PIK3R3: variants seen among roughly 807,000 people sequenced by gnomAD.
The protein encoded by PIK3R3 is phosphatidylinositol 3-kinase regulatory subunit gamma.
PIK3R3 carries 64 observed loss-of-function variants against 62.9 expected under a neutral mutation model. The ratio of observed to expected loss-of-function variants is 1.02; its 90% CI spans 0.83 to 1.25. The LOEUF (loss-of-function observed/expected upper bound fraction) is 1.25, where lower values mean the gene tolerates loss of function less well. Among genes scored for constraint, PIK3R3 ranks in the 50% most tolerant of loss-of-function variants. The pLI is 0.00. For missense variants in PIK3R3, 614 were observed against 561.6 expected (o/e 1.09, Z -0.94); for synonymous variants, 165 against 189.0 (o/e 0.87, Z 1.04).
At chr1:46,113,774 T>G (rs1345827411) in intron 1 of PIK3R3, among the ~76,000 whole-genome samples, 1 of 152,244 alleles carries the variant, frequency 6.6e-6, no homozygotes, top group Non-Finnish European at 1.5e-5. Flanking sequence ...ACTTTGTATG[T>G]GCCAGAGACA....
chr1:46,124,886 T>C (rs1204128062), intron 1 of PIK3R3, among the ~76,000 whole-genome samples: 1 of 149,456 alleles, frequency 6.7e-6, no homozygotes, highest in African/African-American at 2.5e-5. Context: ...TTGCCTGAGG[T>C]CAGGAGTTTG....
chr1:46,051,604 A>G lies in PIK3R3; in HGVS notation c.941+4191T>C, dbSNP rs568014194. On this transcript the variant is annotated intron_variant, in intron 7 of 9. Coordinates refer to ENST00000262741, the MANE Select transcript of PIK3R3 (RefSeq NM_003629.4). ...TATCTGCAAACTCCCCTATATATATATTACTCAAAACTCATCAATTCCCTA... is the reference window on the plus strand; with the variant it reads ...TATCTGCAAACTCCCCTATATATATGTTACTCAAAACTCATCAATTCCCTA... 3.9e-5 allele frequency among the ~76,000 whole-genome samples: 6 copies of G among 152,212 alleles called. No homozygotes were observed. In the South Asian group the frequency reaches 1.0e-3, roughly 26 times the overall value.
At chr1:46,098,705 G>T (rs1490059674) in intron 1 of PIK3R3, among the ~76,000 whole-genome samples, 6 of 152,056 alleles carry the variant, frequency 3.9e-5, no homozygotes. Context: ...AATGGGGAAT[G>T]ACTTTTTCTT....
In PIK3R3 at chr1:46,055,006, G is replaced by A. The variant is rs569232100; in HGVS notation, c.941+789C>T. On this transcript the variant is annotated intron_variant, in intron 7 of 9. Transcript: ENST00000262741. Reference sequence around the variant, plus strand: ...CAACCTCTGCCTCCCAGGTTCAAGCGATTCTCCTACCTCAGCCTCCCAAGT... The same window carrying A: ...CAACCTCTGCCTCCCAGGTTCAAGCAATTCTCCTACCTCAGCCTCCCAAGT... Among the ~76,000 whole-genome samples, 423 of 151,654 alleles carry A rather than the reference G, an allele frequency of 2.8e-3. 8 individuals carry two copies. Among genetic ancestry groups the A allele is most frequent in the Admixed American group, 5.3e-3 (80 of 15,232 alleles).
intron 6 of PIK3R3, among the ~76,000 whole-genome samples, chr1:46,059,329 T>A (rs1648245685): frequency 6.6e-6 from 1 of 152,200 alleles, no homozygotes. Flanking sequence ...AGTACTTACT[T>A]CACTGGGTTT....
At chr1:46,090,312 T>TTTTATTTATTTA (rs34068212) in intron 1 of PIK3R3, among the ~76,000 whole-genome samples, 3 of 148,572 alleles carry the variant, frequency 2.0e-5, no homozygotes, top group African/African-American at 7.4e-5. Context: ...ACGCAGTCTT[T>TTTTATTTATTTA]TTTATTTATT....
chr1:46,078,749 T>C (rs1243979897), intron 2 of PIK3R3, among the ~76,000 whole-genome samples: 3 of 152,050 alleles, frequency 2.0e-5, no homozygotes, highest in African/African-American at 7.2e-5. Flanking sequence ...AATGTCCAGA[T>C]GAATGGATTA....
At chr1:46,106,582 A>C (rs1033631851) in intron 1 of PIK3R3, among the ~76,000 whole-genome samples, 4 of 152,204 alleles carry the variant, frequency 2.6e-5, no homozygotes, top group African/African-American at 9.6e-5. Context: ...AACTTTAGAT[A>C]ATGGATGGAT....
Position 46,045,915 on chromosome 1 carries a change from T to TA in PIK3R3, c.1187+2dup. ...AAAGGTTATATCCCCAGAGAAGACT[T>TA]ACACCACAGAGCAAGCATAGCATCC... is the stretch of plus-strand genomic sequence containing the variant. On this transcript the variant is annotated splice_region_variant and intron_variant, in intron 9 of 9. Transcript: ENST00000262741. 6.2e-7 allele frequency: 1 copy of TA among 1,611,212 alleles called. No homozygotes were observed. Among genetic ancestry groups the TA allele is most frequent in the Non-Finnish European group, 8.5e-7 (1 of 1,177,790 alleles).
intron 1 of PIK3R3, among the ~76,000 whole-genome samples, chr1:46,116,463 A>G (rs557961110): frequency 1.3e-5 from 2 of 152,132 alleles, no homozygotes; most frequent in African/African-American, 2.4e-5. Flanking sequence ...GGCTGCAGTG[A>G]GCTATGATCA....
intron 1 of PIK3R3, among the ~76,000 whole-genome samples, chr1:46,086,072 CAGAA>C (rs1165539525): frequency 1.3e-5 from 2 of 152,010 alleles, no homozygotes; most frequent in Non-Finnish European, 1.5e-5. Flanking sequence ...ATTAGCAATA[CAGAA>C]AGATATTTTC....
At chr1:46,115,708 T>A (rs1356259027) in intron 1 of PIK3R3, among the ~76,000 whole-genome samples, 1 of 152,224 alleles carries the variant, frequency 6.6e-6, no homozygotes, top group Non-Finnish European at 1.5e-5. Context: ...CACCTCGTTG[T>A]CCTTCTAAAA....
intron 3 of PIK3R3, among the ~76,000 whole-genome samples, chr1:46,072,126 T>C (rs1042183442): frequency 2.6e-5 from 4 of 152,190 alleles, no homozygotes; most frequent in African/African-American, 7.2e-5. Context: ...AACAAAGATA[T>C]CTCTTTTCCT....
chr1:46,052,563 A>G (rs1158158802), intron 7 of PIK3R3, among the ~76,000 whole-genome samples: 1 of 152,094 alleles, frequency 6.6e-6, no homozygotes, highest in African/African-American at 2.4e-5. Flanking sequence ...ATGGAACCCC[A>G]CTCATATCAA....
At chr1:46,086,026 C>CTATATTA (rs1651020177) in intron 1 of PIK3R3, among the ~76,000 whole-genome samples, 1 of 152,150 alleles carries the variant, frequency 6.6e-6, no homozygotes, top group Non-Finnish European at 1.5e-5. Flanking sequence ...ATGCATGGGC[C>CTATATTA]ACTCACGCCT....
chr1:46,111,977 T>C (rs769077452), intron 1 of PIK3R3, among the ~76,000 whole-genome samples: 1 of 152,138 alleles, frequency 6.6e-6, no homozygotes, highest in Non-Finnish European at 1.5e-5. Flanking sequence ...CTTAAGCCAG[T>C]AGTTGTTTTC....
In PIK3R3 at chr1:46,116,360, T is replaced by TA. The variant is rs1479545497; in HGVS notation, c.106+15486dup. The stretch of plus-strand genomic sequence containing the variant: ...ACGCCGTCTCTACAAAAATTAAAAA[T>TA]AAAAAAAATTAGCCAGGCATGGTAG... On this transcript the variant is annotated intron_variant, in intron 1 of 9. Transcript: ENST00000262741. 3.3e-5 allele frequency among the ~76,000 whole-genome samples: 5 copies of TA among 151,502 alleles called. No homozygotes were observed. In the South Asian group the frequency reaches 6.3e-4, roughly 19 times the overall value.
chr1:46,081,188 T>C (rs1322302405), intron 1 of PIK3R3, among the ~76,000 whole-genome samples: 2 of 152,220 alleles, frequency 1.3e-5, no homozygotes, highest in African/African-American at 4.8e-5. Context: ...GGTTATGTTA[T>C]TAATAATTTG....
chr1:46,059,444 A>G (rs1239323304), intron 6 of PIK3R3, among the ~76,000 whole-genome samples: 1 of 152,184 alleles, frequency 6.6e-6, no homozygotes. Flanking sequence ...TCCAACACAC[A>G]ACGTTTTGCT....
Sources: gnomAD v4.1 joint callset for allele counts (sites outside exome capture counted in the v4.1 genomes callset) on GRCh38, gnomAD v4.1.1 for gene constraint, MANE v1.5 for transcripts, NCBI Gene and HGNC (gene_info 2026-07-23, HGNC 2026-07-21) for gene names.